Variants in AGBL4 observed in about 807,000 individuals in gnomAD.
AGBL4 encodes the protein cytosolic carboxypeptidase 6.
AGBL4 carries 58 observed loss-of-function variants against 66.4 expected under a neutral mutation model. The ratio of observed to expected loss-of-function variants is 0.87; its 90% confidence interval spans 0.71 to 1.09. The LOEUF (loss-of-function observed/expected upper bound fraction) is 1.09, where lower values mean the gene tolerates loss of function less well. Among genes scored for constraint, AGBL4 ranks in the 50% least tolerant of loss-of-function variants. The probability of loss-of-function intolerance (pLI) is 0.00; values close to 1 mark genes in which losing one functional copy is unlikely to be tolerated. For missense variants in AGBL4, 579 were observed against 631.0 expected (o/e 0.92, Z 0.88); for synonymous variants, 234 against 222.9 (o/e 1.05, Z -0.44).
At chr1:48,723,584 AAC>A (rs1447319258) in intron 6 of AGBL4, among the ~76,000 whole-genome samples, 1 of 152,258 alleles carries the variant, frequency 6.6e-6, no homozygotes, top group African/African-American at 2.4e-5. Flanking sequence ...AAGAAAACTA[AAC>A]ACAGAAAATG....
At chr1:49,084,566 C>T (rs1346819661) in intron 4 of AGBL4, among the ~76,000 whole-genome samples, 2 of 152,098 alleles carry the variant, frequency 1.3e-5, no homozygotes, top group African/African-American at 4.8e-5. Context: ...GAGAAACCAC[C>T]CCCATGATTC....
intron 6 of AGBL4, among the ~76,000 whole-genome samples, chr1:48,663,937 G>T (rs1223898349): frequency 6.6e-6 from 1 of 152,160 alleles, no homozygotes; most frequent in East Asian, 1.9e-4. Context: ...CCAATCCCTT[G>T]TCTGGCCTTC....
chr1:49,743,039 A>G (rs1303403395), intron 2 of AGBL4, among the ~76,000 whole-genome samples: 1 of 152,226 alleles, frequency 6.6e-6, no homozygotes, highest in Non-Finnish European at 1.5e-5. Flanking sequence ...ACAAAAGACA[A>G]AATTGACAAA....
intron 8 of AGBL4, among the ~76,000 whole-genome samples, chr1:48,642,173 G>T (rs919001423): frequency 1.3e-5 from 2 of 152,152 alleles, no homozygotes; most frequent in African/African-American, 4.8e-5. Flanking sequence ...ATATGGAGCA[G>T]ACTTGGATGT....
intron 2 of AGBL4, among the ~76,000 whole-genome samples, chr1:49,707,521 G>A (rs1171890375): frequency 6.6e-6 from 1 of 151,868 alleles, no homozygotes; most frequent in African/African-American, 2.4e-5. Flanking sequence ...GCCAATCTGT[G>A]TCTTTTAACT....
chr1:49,720,452 G>C (rs527645363), intron 2 of AGBL4, among the ~76,000 whole-genome samples: 2 of 152,208 alleles, frequency 1.3e-5, no homozygotes, highest in South Asian at 4.2e-4. Context: ...TGTGTCCTTG[G>C]TTCCATCTCC....
intron 6 of AGBL4, among the ~76,000 whole-genome samples, chr1:48,679,668 T>C (rs1489560589): frequency 6.6e-6 from 1 of 152,238 alleles, no homozygotes; most frequent in African/African-American, 2.4e-5. Flanking sequence ...GGCTAGCCAG[T>C]GGATAAGCCA....
intron 1 of AGBL4, among the ~76,000 whole-genome samples, chr1:49,976,420 T>A (rs1360770438): frequency 6.6e-6 from 1 of 152,130 alleles, no homozygotes; most frequent in Non-Finnish European, 1.5e-5. Context: ...TATTGATAAA[T>A]ATCCTAGTAG....
At chr1:48,923,079 A>AT (rs1327054406) in intron 5 of AGBL4, among the ~76,000 whole-genome samples, 5 of 149,932 alleles carry the variant, frequency 3.3e-5, no homozygotes, top group South Asian at 4.1e-4. Context: ...CAGAAATTAA[A>AT]TAGAAAAAAA....
intron 4 of AGBL4, among the ~76,000 whole-genome samples, chr1:49,101,179 CT>C (rs1367049789): frequency 2.0e-5 from 3 of 151,500 alleles, no homozygotes; most frequent in Non-Finnish European, 4.4e-5. Flanking sequence ...TTCTAAGGAA[CT>C]TTTTATTCTT....
chr1:48,850,651 A>G (rs1167350583), intron 6 of AGBL4, among the ~76,000 whole-genome samples: 1 of 152,090 alleles, frequency 6.6e-6, no homozygotes, highest in East Asian at 1.9e-4. Flanking sequence ...CAACCTCCCA[A>G]GTAGCTGGGA....
intron 2 of AGBL4, among the ~76,000 whole-genome samples, chr1:49,731,786 G>A (rs935924461): frequency 2.8e-4 from 42 of 151,882 alleles, no homozygotes; most frequent in Non-Finnish European, 1.3e-4. Flanking sequence ...TAATACCTAC[G>A]GCCAATTGAA....
chr1:48,714,906 T>C (rs768221721), intron 6 of AGBL4, among the ~76,000 whole-genome samples: 1 of 152,226 alleles, frequency 6.6e-6, no homozygotes, highest in Non-Finnish European at 1.5e-5. Context: ...GCCCCTATGA[T>C]ATGCTAGACA....
intron 6 of AGBL4, among the ~76,000 whole-genome samples, chr1:48,801,843 G>A (rs1645816334): frequency 6.6e-6 from 1 of 151,936 alleles, no homozygotes; most frequent in African/African-American, 2.4e-5. Flanking sequence ...TTCTGGCCGG[G>A]AGCTGCACGT....
chr1:49,617,364 G>A (rs1307359239), intron 3 of AGBL4, among the ~76,000 whole-genome samples: 2 of 152,078 alleles, frequency 1.3e-5, no homozygotes, highest in African/African-American at 2.4e-5. Flanking sequence ...TATTTAAAAA[G>A]TGTAATCTCC....
intron 6 of AGBL4, among the ~76,000 whole-genome samples, chr1:48,754,862 G>A (rs936854689): frequency 1.3e-5 from 2 of 152,106 alleles, no homozygotes; most frequent in East Asian, 1.9e-4. Flanking sequence ...AAGGCCATAC[G>A]GGTGAGGGTC....
chr1:49,269,981 T>A (rs554310513), intron 3 of AGBL4, among the ~76,000 whole-genome samples: 80 of 152,154 alleles, frequency 5.3e-4, no homozygotes, highest in Non-Finnish European at 1.1e-3. Flanking sequence ...CATAAACTGA[T>A]GAAAAAATAT....
At chr1:49,562,884 A>G (rs920331068) in intron 3 of AGBL4, among the ~76,000 whole-genome samples, 71 of 152,202 alleles carry the variant, frequency 4.7e-4, no homozygotes, top group African/African-American at 1.2e-3. Context: ...CATTGAATCT[A>G]TAAATTACCT....
Position 49,701,625 on chromosome 1 carries a change from A to G in AGBL4, c.158-4188T>C, listed in dbSNP as rs988698932. On this transcript the variant is annotated intron_variant, in intron 2 of 13. Coordinates refer to ENST00000371839, the MANE Select transcript of AGBL4 (RefSeq NM_032785.4). The stretch of plus-strand genomic sequence containing the variant: ...ACCCAAAGAAAGCAGAATAAAGATA[A>G]TAATAAAGACAAGAGTAGAAATAAA... Among the ~76,000 whole-genome samples the G allele has an allele frequency of 3.9e-5, 6 of 152,212 alleles. No individual in the cohort carries two copies. The East Asian group carries it at 1.2e-3, about 29-fold the overall frequency.
Sources: allele counts gnomAD v4.1 joint callset (sites outside exome capture counted in the v4.1 genomes callset), GRCh38; gene constraint gnomAD v4.1.1; transcripts MANE v1.5; gene names NCBI Gene and HGNC (gene_info 2026-07-23, HGNC 2026-07-21).